Variants in WDR44 observed in about 807,000 individuals in gnomAD.
The protein encoded by WDR44 is WD repeat-containing protein 44.
In WDR44, 9 loss-of-function variants were observed where a neutral mutation model predicts 65.7. The ratio of observed to expected loss-of-function variants is 0.14; its 90% CI spans 0.08 to 0.24. The LOEUF (loss-of-function observed/expected upper bound fraction) is 0.24, where lower values mean the gene tolerates loss of function less well. WDR44 is among the 10% of genes least tolerant of loss of function. The pLI, the probability that WDR44 is intolerant of heterozygous loss-of-function variation, is 1.00. For missense variants in WDR44, 425 were observed against 670.9 expected (o/e 0.63, Z 4.05); for synonymous variants, 220 against 235.2 (o/e 0.94, Z 0.59).
chrX:118,368,740 CAG>C (rs1179312771), intron 1 of WDR44, among the ~76,000 whole-genome samples: 1 of 73,902 alleles, frequency 1.4e-5, no homozygotes, highest in Non-Finnish European at 2.3e-5. Flanking sequence ...TTTTTGGAGA[CAG>C]AATCTTGCTC....
At chrX:118,384,287 C>A (rs1259168574) in intron 2 of WDR44, among the ~76,000 whole-genome samples, 2 of 111,712 alleles carry the variant, frequency 1.8e-5, no homozygotes, top group African/African-American at 3.2e-5. Flanking sequence ...GTAGATAGAA[C>A]AAACAAGGTC....
At chrX:118,389,459 G>T (rs892558328) in intron 3 of WDR44, among the ~76,000 whole-genome samples, 4 of 111,227 alleles carry the variant, frequency 3.6e-5, no homozygotes, top group African/African-American at 1.3e-4. Flanking sequence ...GGTGGCTCAC[G>T]CCTATAATCC....
At chrX:118,419,222 C>A (rs996404954) in intron 12 of WDR44, among the ~76,000 whole-genome samples, 1 of 111,626 alleles carries the variant, frequency 9.0e-6, no homozygotes. Flanking sequence ...CAAATTGTTA[C>A]AAAGTTCAGC....
chrX:118,356,343 CTG>C (rs1177948135), intron 1 of WDR44, among the ~76,000 whole-genome samples: 2 of 109,800 alleles, frequency 1.8e-5, no homozygotes, highest in African/African-American at 6.7e-5. Flanking sequence ...TGAGCCATTG[CTG>C]ATTTGGGTTT....
chrX:118,427,270 CTT>C (rs760339863), intron 12 of WDR44, among the ~76,000 whole-genome samples: 13 of 87,923 alleles, frequency 1.5e-4, no homozygotes, highest in African/African-American at 1.6e-4. Flanking sequence ...CCATGCCTGG[CTT>C]TTTTTTTTTT....
intron 2 of WDR44, among the ~76,000 whole-genome samples, chrX:118,385,412 C>G (rs764416626): frequency 1.1e-4 from 12 of 111,682 alleles, no homozygotes; most frequent in Admixed American, 2.9e-4. Context: ...AACAGAAAAC[C>G]AAATACTGCA....
intron 12 of WDR44, among the ~76,000 whole-genome samples, chrX:118,426,348 A>G (rs2057156523): frequency 9.0e-6 from 1 of 111,545 alleles, no homozygotes; most frequent in South Asian, 3.7e-4. Context: ...GGTTCAATAT[A>G]TTATATGGAG....
chrX:118,347,208 T>G (rs1182965683), intron 1 of WDR44, among the ~76,000 whole-genome samples: 1 of 111,838 alleles, frequency 8.9e-6, no homozygotes, highest in African/African-American at 3.3e-5. Flanking sequence ...GAATACACGG[T>G]CCCTATTAGG....
intron 14 of WDR44, among the ~76,000 whole-genome samples, chrX:118,440,483 A>G (rs1488814674): frequency 9.0e-6 from 1 of 111,386 alleles, no homozygotes; most frequent in Non-Finnish European, 1.9e-5. Flanking sequence ...AGTTCCAAAA[A>G]TGACTGGTTT....
At chrX:118,411,490 G>A (rs1303838698) in intron 12 of WDR44, among the ~76,000 whole-genome samples, 5 of 111,391 alleles carry the variant, frequency 4.5e-5, no homozygotes, top group Non-Finnish European at 7.6e-5. Context: ...TGTTGCATTA[G>A]GTAAGGGTGA....
chrX:118,436,332 C>A (rs774557902), intron 13 of WDR44, among the ~76,000 whole-genome samples: 1 of 112,045 alleles, frequency 8.9e-6, no homozygotes, highest in African/African-American at 3.2e-5. Flanking sequence ...GTGAAAATAA[C>A]TGAAGTGACA....
In WDR44 at chrX:118,392,650, G is replaced by C. The variant is rs745754847; in HGVS notation, c.205G>C (p.Glu69Gln). The change falls in exon 4 of 20, where the codon GAG becomes CAG. Residue 69 changes from glutamate to glutamine, a missense_variant. Physicochemically the swap from Glu to Gln is conservative, Grantham distance 29. Around this residue, in one of 5 missense-constraint regions of WDR44, gnomAD observed 193 missense variants for 209.0 expected, o/e 0.92. Transcript: ENST00000254029. ...VSKKIIESII[E>Q]ESQKVLQLED... The stretch of plus-strand genomic sequence containing the variant: ...TCATCAGATTATTGAAAGTATTATT[G>C]AGGAGAGTCAGAAAGTACTACAGCT... 1 of 1,196,511 alleles carries C rather than the reference G, an allele frequency of 8.4e-7. No homozygotes were observed. The highest frequency in any genetic ancestry group is 2.3e-5 in the Admixed American group (1 of 43,597).
chrX:118,377,364 A>G (rs943167246), intron 1 of WDR44, among the ~76,000 whole-genome samples: 1 of 111,534 alleles, frequency 9.0e-6, no homozygotes, highest in African/African-American at 3.3e-5. Flanking sequence ...TCTTTAAAAA[A>G]AAAAGAAAAA....
intron 8 of WDR44, 29 bp downstream of exon 8, chrX:118,398,499 T>A: frequency 1.8e-6 from 2 of 1,112,438 alleles, no homozygotes; most frequent in Non-Finnish European, 2.5e-6. Context: ...CTTTTCTTCA[T>A]TTCAAGTTTT....
chrX:118,378,073 A>T (rs1847737724), intron 1 of WDR44, among the ~76,000 whole-genome samples: 1 of 110,334 alleles, frequency 9.1e-6, no homozygotes, highest in South Asian at 3.9e-4. Context: ...CTCCTGCCTC[A>T]GCCTCTCAAG....
chrX:118,366,206 G>T (rs748140962), intron 1 of WDR44, among the ~76,000 whole-genome samples: 1 of 111,460 alleles, frequency 9.0e-6, no homozygotes. Context: ...TTATAATAAC[G>T]TATACTTATC....
chrX:118,424,648 T>C (rs1412963804), intron 12 of WDR44, among the ~76,000 whole-genome samples: 1 of 110,362 alleles, frequency 9.1e-6, no homozygotes, highest in African/African-American at 3.3e-5. Flanking sequence ...ATTCTGTAAG[T>C]TGCCTTTTCA....
chrX:118,437,094 A>C (rs917365911), intron 14 of WDR44, among the ~76,000 whole-genome samples: 2 of 111,543 alleles, frequency 1.8e-5, no homozygotes, highest in Non-Finnish European at 3.8e-5. Flanking sequence ...TAAAGATGAG[A>C]GATATTGGAG....
At chrX:118,387,208 A>T (rs940361157) in intron 2 of WDR44, 132 bp from the exon 3 acceptor site, 30 of 321,447 alleles carry the variant, frequency 9.3e-5, no homozygotes, top group African/African-American at 7.9e-4. Flanking sequence ...AAAAAAGAAG[A>T]AGAAGAAATC....
Sources: allele counts gnomAD v4.1 joint callset (sites outside exome capture counted in the v4.1 genomes callset), GRCh38; gene constraint gnomAD v4.1.1; regional missense constraint gnomAD v4.1.1; transcripts MANE v1.5; gene names NCBI Gene and HGNC (gene_info 2026-07-23, HGNC 2026-07-21).